KMT2C: variants seen among roughly 807,000 people sequenced by gnomAD.
KMT2C encodes lysine methyltransferase 2C.
In KMT2C, 88 loss-of-function variants were observed where a neutral mutation model predicts 507.9. That is an observed-to-expected ratio of 0.17 (90% confidence interval 0.15 to 0.21). The LOEUF (loss-of-function observed/expected upper bound fraction) is 0.21. KMT2C is among the 10% of genes least tolerant of loss of function. KMT2C has a pLI of 1.00. For missense variants in KMT2C, 4,954 were observed against 5,957.8 expected (o/e 0.83, Z 5.55); for synonymous variants, 2,049 against 2,080.8 (o/e 0.98, Z 0.42).
chr7:152,178,607 T>TGTGTG lies in KMT2C; in HGVS notation c.7443-598_7443-597insCACAC, dbSNP rs138405202. Among the ~76,000 whole-genome samples the TGTGTG allele has an allele frequency of 7.6e-3, 1,159 of 152,184 alleles. 12 individuals carry two copies. Among genetic ancestry groups the TGTGTG allele is most frequent in the African/African-American group, 0.027 (1,117 of 41,490 alleles). Reference sequence around the variant, plus strand: ...CCTTCTAGACAGGATTACAGGCAACTTACACAGAATACAAAGCATAGCAAG... The same window carrying TGTGTG: ...CCTTCTAGACAGGATTACAGGCAACTGTGTGTACACAGAATACAAAGCATAGCAAG... On this transcript the variant is annotated intron_variant, in intron 37 of 58. Coordinates refer to ENST00000262189, the MANE Select transcript of KMT2C (RefSeq NM_170606.3).
At chr7:152,157,086 G>GTT (rs869094423) in intron 44 of KMT2C, among the ~76,000 whole-genome samples, 2 of 147,718 alleles carry the variant, frequency 1.4e-5, no homozygotes, top group Admixed American at 6.8e-5. Flanking sequence ...AGTTAAGATA[G>GTT]TTTTTTTTTT....
rs2129200417 is a variant in KMT2C, at chr7:152,311,803, G to A, written c.734C>T (p.Ser245Phe). ...DAIDIQALFD[S>F]TGTCWAHHRC... Reference sequence around the variant, plus strand: ...TATTGAAAACATGCCCATACCTGTAGAATCAAATAAGGCTTGGATATCAAT... The same window carrying A: ...TATTGAAAACATGCCCATACCTGTAAAATCAAATAAGGCTTGGATATCAAT... The change falls in exon 5 of 59, where the codon TCT becomes TTT. Residue 245 changes from serine to phenylalanine, a missense_variant. By Grantham distance (155) the Ser-to-Phe change is radical (BLOSUM62 -2). This residue lies in a region of KMT2C where 233 missense variants were observed against 263.6 expected (regional missense o/e 0.88). Transcript: ENST00000262189. The A allele has an allele frequency of 6.2e-7, 1 of 1,606,230 alleles. No homozygotes were observed. The highest frequency in any genetic ancestry group is 8.5e-7 in the Non-Finnish European group (1 of 1,174,704).
At chr7:152,381,234 A>C (rs1016859921) in intron 1 of KMT2C, among the ~76,000 whole-genome samples, 1 of 151,520 alleles carries the variant, frequency 6.6e-6, no homozygotes, top group Non-Finnish European at 1.5e-5. Flanking sequence ...AATAACATTT[A>C]TTTAGTGGGA....
chr7:152,249,673 C>CCAAAAA (rs2095531533), intron 13 of KMT2C, among the ~76,000 whole-genome samples: 1 of 34,496 alleles, frequency 2.9e-5, no homozygotes, highest in African/African-American at 6.7e-5. Flanking sequence ...CTCCCCCCTC[C>CCAAAAA]AAAAAAAAAA....
intron 43 of KMT2C, among the ~76,000 whole-genome samples, chr7:152,160,375 A>T (rs1363481293): frequency 6.6e-6 from 1 of 151,976 alleles, no homozygotes; most frequent in African/African-American, 2.4e-5. Context: ...GAGCCCAGCA[A>T]TCTTGGTTTA....
intron 1 of KMT2C, among the ~76,000 whole-genome samples, chr7:152,386,308 C>G (rs2097425802): frequency 6.6e-6 from 1 of 152,310 alleles, no homozygotes; most frequent in South Asian, 2.1e-4. Flanking sequence ...TCTCCCAAAA[C>G]AGTGCTTCAT....
At chr7:152,325,987 T>G (rs1220267860) in intron 3 of KMT2C, among the ~76,000 whole-genome samples, 1 of 152,080 alleles carries the variant, frequency 6.6e-6, no homozygotes, top group Non-Finnish European at 1.5e-5. Flanking sequence ...CACTAATTTG[T>G]GATGCCCCTT....
chr7:152,270,018 A>T (rs934054150), intron 7 of KMT2C, among the ~76,000 whole-genome samples: 3 of 152,258 alleles, frequency 2.0e-5, no homozygotes, highest in African/African-American at 7.2e-5. Flanking sequence ...GTGAACAGCA[A>T]CAAAAGTCAA....
intron 4 of KMT2C, among the ~76,000 whole-genome samples, chr7:152,312,972 C>T (rs1227716810): frequency 6.6e-6 from 1 of 151,852 alleles, no homozygotes; most frequent in African/African-American, 2.4e-5. Context: ...CATTTTTATA[C>T]CTGGAATCAT....
intron 2 of KMT2C, among the ~76,000 whole-genome samples, chr7:152,354,479 G>C (rs567028815): frequency 1.3e-5 from 2 of 152,296 alleles, no homozygotes; most frequent in South Asian, 4.1e-4. Context: ...AGTGTGGAAA[G>C]CATACAATAA....
intron 42 of KMT2C, 92 bp from the exon 43 acceptor site, chr7:152,163,918 AG>A: frequency 7.8e-7 from 1 of 1,280,968 alleles, no homozygotes; most frequent in Non-Finnish European, 1.1e-6. Context: ...GGTTACACAG[AG>A]GGCAGTTTGG....
rs529537964 is a variant in KMT2C at position 152,379,639 on chromosome 7, A to C, written c.162-20964T>G. On this transcript the variant is annotated intron_variant, in intron 1 of 58. Coordinates refer to ENST00000262189, the MANE Select transcript of KMT2C (RefSeq NM_170606.3). The stretch of plus-strand genomic sequence containing the variant: ...CTGAAGTAGGAGGATCACTTGAGCT[A>C]GAGGATCACTTGACCCCAGGAGTTC... Among the ~76,000 whole-genome samples, 4 of 152,390 alleles carry C rather than the reference A, an allele frequency of 2.6e-5. No homozygotes were observed. The South Asian group carries it at 8.3e-4, about 32-fold the overall frequency.
intron 1 of KMT2C, among the ~76,000 whole-genome samples, chr7:152,392,580 G>C (rs1286370497): frequency 3.3e-5 from 5 of 152,196 alleles, no homozygotes; most frequent in Non-Finnish European, 7.3e-5. Context: ...CTTATTGAAA[G>C]CGCAGTGTTT....
chr7:152,157,954 T>A (rs756690244), intron 44 of KMT2C: 2 of 1,292,154 alleles, frequency 1.5e-6, no homozygotes, highest in African/African-American at 3.0e-5. Context: ...AAGAGTAATG[T>A]ACATGATAAA....
chr7:152,172,030 T>A (rs1244044898), intron 39 of KMT2C, among the ~76,000 whole-genome samples: 1 of 152,254 alleles, frequency 6.6e-6, no homozygotes, highest in Non-Finnish European at 1.5e-5. Context: ...TATCAAATGC[T>A]TTAACGTATC....
chr7:152,235,115 CA>C (rs150078696), intron 16 of KMT2C, among the ~76,000 whole-genome samples: 9 of 151,414 alleles, frequency 5.9e-5, no homozygotes, highest in African/African-American at 2.2e-4. Flanking sequence ...GGACGGATGG[CA>C]GGGGGAATGC....
intron 2 of KMT2C, among the ~76,000 whole-genome samples, chr7:152,338,900 C>G (rs910740103): frequency 1.3e-5 from 2 of 152,168 alleles, no homozygotes; most frequent in African/African-American, 4.8e-5. Flanking sequence ...ACTAAAAATA[C>G]TCTTTTTTAA....
chr7:152,395,186 A>G (rs1459783535), intron 1 of KMT2C, among the ~76,000 whole-genome samples: 1 of 152,166 alleles, frequency 6.6e-6, no homozygotes, highest in Non-Finnish European at 1.5e-5. Context: ...AAAAATTTTA[A>G]GGGTTTTTTG....
rs3056537 is a variant in KMT2C, at chr7:152,262,992, AAAAT to A, written c.1299+20_1299+23del. ...ATATAAAACATAGAGAGGATTTAAAAAAATAAATAAATAAACAACTTACTTTGCA... is the reference window on the plus strand; with the variant it reads ...ATATAAAACATAGAGAGGATTTAAAAAAATAAATAAACAACTTACTTTGCA... On this transcript the variant is annotated intron_variant, in intron 9 of 58. Coordinates refer to ENST00000262189, the MANE Select transcript of KMT2C (RefSeq NM_170606.3). 1.1e-3 allele frequency: 1,683 copies of A among 1,561,006 alleles called. 1 individual carries two copies. Among genetic ancestry groups the A allele is most frequent in the Non-Finnish European group, 1.3e-3 (1,501 of 1,141,804 alleles).
Sources: allele counts gnomAD v4.1 joint callset (sites outside exome capture counted in the v4.1 genomes callset), GRCh38; gene constraint gnomAD v4.1.1; regional missense constraint gnomAD v4.1.1; transcripts MANE v1.5; gene names NCBI Gene and HGNC (gene_info 2026-07-23, HGNC 2026-07-21).